Variants in SHISA6 observed in about 807,000 individuals in gnomAD.
The protein encoded by SHISA6 is protein shisa-6.
In SHISA6, 22 loss-of-function variants were observed where a neutral mutation model predicts 47.9. That is an observed-to-expected ratio of 0.46 (90% CI 0.33 to 0.66). The LOEUF is 0.66. Among genes scored for constraint, SHISA6 ranks in the 30% least tolerant of loss-of-function variants. SHISA6 has a pLI of 0.02. For missense variants in SHISA6, 680 were observed against 764.6 expected (o/e 0.89, Z 1.30); for synonymous variants, 388 against 337.8 (o/e 1.15, Z -1.63).
chr17:11,470,568 A>T (rs1490591582), intron 3 of SHISA6, among the ~76,000 whole-genome samples: 4 of 152,230 alleles, frequency 2.6e-5, no homozygotes, highest in Non-Finnish European at 5.9e-5. Context: ...AACAGCCAGG[A>T]CCAAGCCTTC....
chr17:11,531,246 T>A (rs2071730136), intron 3 of SHISA6, among the ~76,000 whole-genome samples: 1 of 148,638 alleles, frequency 6.7e-6, no homozygotes, highest in African/African-American at 2.5e-5. Flanking sequence ...TGTGTGTGTG[T>A]GTGTGTGTGT....
At chr17:11,493,663 C>G (rs1376259791) in intron 3 of SHISA6, among the ~76,000 whole-genome samples, 1 of 152,168 alleles carries the variant, frequency 6.6e-6, no homozygotes, top group Non-Finnish European at 1.5e-5. Context: ...TTGCCAGGCC[C>G]AAGGGGTACC....
intron 2 of SHISA6, among the ~76,000 whole-genome samples, chr17:11,362,507 T>G: frequency 6.6e-6 from 1 of 152,222 alleles, no homozygotes; most frequent in Non-Finnish European, 1.5e-5. Flanking sequence ...TTTCACTTCC[T>G]TGAAATATAA....
intron 1 of SHISA6, among the ~76,000 whole-genome samples, chr17:11,251,016 A>G (rs1017154132): frequency 1.3e-5 from 2 of 152,040 alleles, no homozygotes; most frequent in African/African-American, 4.8e-5. Flanking sequence ...GTAGGGGCCC[A>G]TGTTGTAGAT....
chr17:11,431,950 T>C (rs1914789923), intron 3 of SHISA6, among the ~76,000 whole-genome samples: 2 of 152,182 alleles, frequency 1.3e-5, no homozygotes, highest in South Asian at 4.1e-4. Context: ...ACTCCCATTA[T>C]ATAGATGTAA....
At chr17:11,373,669 T>G (rs1912698929) in intron 2 of SHISA6, among the ~76,000 whole-genome samples, 1 of 152,240 alleles carries the variant, frequency 6.6e-6, no homozygotes, top group Admixed American at 6.5e-5. Context: ...TCTTGTTTGC[T>G]TTGTGCATTC....
intron 2 of SHISA6, among the ~76,000 whole-genome samples, chr17:11,284,777 A>G (rs1357415637): frequency 1.3e-5 from 2 of 152,206 alleles, no homozygotes; most frequent in Non-Finnish European, 2.9e-5. Context: ...TTTCACTGGC[A>G]TGAATCCTAC....
chr17:11,365,312 C>G (rs770240961), intron 2 of SHISA6, among the ~76,000 whole-genome samples: 6 of 152,084 alleles, frequency 3.9e-5, no homozygotes, highest in Non-Finnish European at 8.8e-5. Flanking sequence ...GAGTCTCACT[C>G]TGTTACCCAG....
Position 11,431,724 on chromosome 17 carries a change from T to C in SHISA6, c.895+52215T>C, listed in dbSNP as rs1049517753. On this transcript the variant is annotated intron_variant, in intron 3 of 5. Transcript: ENST00000441885. ...AGCAGGTTTCCTTAAACCTAAGTTA[T>C]TCAGTCTACAAACACACCCGGGCAT... Among the ~76,000 whole-genome samples, 4 of 152,188 alleles carry C rather than the reference T, an allele frequency of 2.6e-5. No individual in the cohort carries two copies. In the South Asian group the frequency reaches 6.2e-4, roughly 24 times the overall value.
At chr17:11,283,019 A>G (rs778633058) in intron 2 of SHISA6, among the ~76,000 whole-genome samples, 2 of 152,214 alleles carry the variant, frequency 1.3e-5, no homozygotes, top group Non-Finnish European at 2.9e-5. Context: ...AGCGAAGTGT[A>G]AAGATCATTG....
At chr17:11,318,093 CAA>C (rs1372688466) in intron 2 of SHISA6, among the ~76,000 whole-genome samples, 1 of 151,100 alleles carries the variant, frequency 6.6e-6, no homozygotes, top group Non-Finnish European at 1.5e-5. Context: ...GACAAAAAGA[CAA>C]AGGCACTTTT....
intron 3 of SHISA6, among the ~76,000 whole-genome samples, chr17:11,525,657 A>T (rs367661160): frequency 3.1e-5 from 4 of 130,944 alleles, no homozygotes; most frequent in African/African-American, 1.1e-4. Context: ...AAAAACAAAA[A>T]AAAAAAAACG....
intron 2 of SHISA6, among the ~76,000 whole-genome samples, chr17:11,330,625 T>G (rs1911067769): frequency 6.6e-6 from 1 of 152,136 alleles, no homozygotes; most frequent in South Asian, 2.1e-4. Context: ...TCACCTTCCC[T>G]GAGCTTCCCT....
intron 3 of SHISA6, among the ~76,000 whole-genome samples, chr17:11,420,158 T>G (rs1182394884): frequency 1.3e-5 from 2 of 152,072 alleles, no homozygotes. Flanking sequence ...GAGCCAAGAT[T>G]GCGCCACTGC....
chr17:11,491,455 C>T (rs1355681997), intron 3 of SHISA6, among the ~76,000 whole-genome samples: 1 of 152,104 alleles, frequency 6.6e-6, no homozygotes, highest in Non-Finnish European at 1.5e-5. Flanking sequence ...CGAGTGTCAC[C>T]ATGCCAGCTA....
chr17:11,543,920 A>C lies in SHISA6; in HGVS notation c.896-7976A>C, dbSNP rs113420994. On this transcript the variant is annotated intron_variant, in intron 3 of 5. Transcript: ENST00000441885. The stretch of plus-strand genomic sequence containing the variant: ...TTGGATATTTATAAGCAAAAAAAAA[A>C]AAAAAACAAAAAAAAGAACTTCAAT... Among the ~76,000 whole-genome samples the C allele has an allele frequency of 6.3e-4, 95 of 150,284 alleles. 1 individual carries two copies. The highest frequency in any genetic ancestry group is 1.7e-3 in the African/African-American group (68 of 40,926).
At chr17:11,522,177 C>T (rs953601709) in intron 3 of SHISA6, among the ~76,000 whole-genome samples, 2 of 151,822 alleles carry the variant, frequency 1.3e-5, no homozygotes, top group African/African-American at 2.4e-5. Context: ...GTGTTAGCCA[C>T]GATGGTCTCA....
intron 2 of SHISA6, among the ~76,000 whole-genome samples, chr17:11,302,459 A>G (rs1909961370): frequency 6.6e-6 from 1 of 152,166 alleles, no homozygotes; most frequent in Non-Finnish European, 1.5e-5. Flanking sequence ...ATCTTTTCTC[A>G]GCTCATTTTT....
chr17:11,399,176 A>G (rs563371637), intron 3 of SHISA6, among the ~76,000 whole-genome samples: 1 of 152,188 alleles, frequency 6.6e-6, no homozygotes, highest in Non-Finnish European at 1.5e-5. Flanking sequence ...CAACAGAAAG[A>G]TAGAGTAGGA....
Sources: allele counts gnomAD v4.1 joint callset (sites outside exome capture counted in the v4.1 genomes callset), GRCh38; gene constraint gnomAD v4.1.1; transcripts MANE v1.5; gene names NCBI Gene and HGNC (gene_info 2026-07-23, HGNC 2026-07-21).